The following CSMD1 variants were observed in gnomAD, a reference collection of about 807,000 sequenced individuals.
CSMD1 encodes CUB and sushi domain-containing protein 1.
Under a neutral mutation model 417.5 loss-of-function variants are expected in CSMD1, and 213 were observed. The observed-to-expected ratio is 0.51, with a 90% CI of 0.46 to 0.57. The LOEUF (loss-of-function observed/expected upper bound fraction) is 0.57, where lower values mean the gene tolerates loss of function less well. CSMD1 is among the 20% of genes least tolerant of loss of function. CSMD1 has a pLI of 0.00. For synonymous variants in CSMD1, 2,862 were observed against 1,736.8 expected (o/e 1.65, Z -16.11); for missense variants, 6,923 against 4,529.7 (o/e 1.53, Z -15.17).
At chr8:3,824,291 G>A (rs1801920055) in intron 5 of CSMD1, among the ~76,000 whole-genome samples, 1 of 151,894 alleles carries the variant, frequency 6.6e-6, no homozygotes, top group Non-Finnish European at 1.5e-5. Context: ...TTAATTCGAT[G>A]TTAACAAACG....
chr8:3,722,384 T>A (rs1170969424), intron 6 of CSMD1, among the ~76,000 whole-genome samples: 2 of 152,190 alleles, frequency 1.3e-5, no homozygotes, highest in Admixed American at 6.5e-5. Context: ...CTTTAGGAAT[T>A]TGAAAGCACA....
chr8:3,955,678 G>C (rs1284330058), intron 5 of CSMD1, among the ~76,000 whole-genome samples: 2 of 152,114 alleles, frequency 1.3e-5, no homozygotes, highest in African/African-American at 4.8e-5. Context: ...GTGTCTCAGA[G>C]GATGAGGAAA....
Position 4,832,644 on chromosome 8 carries a change from T to C in CSMD1, c.85+161688A>G, listed in dbSNP as rs574631109. 3.3e-5 allele frequency among the ~76,000 whole-genome samples: 5 copies of C among 152,336 alleles called. No homozygotes were observed. In the South Asian group the frequency reaches 1.0e-3, roughly 32 times the overall value. ...GTAAGTGTCAAATCTATCTGCTAAA[T>C]GCTTTAAATATATATTCTCATATTT... is the stretch of plus-strand genomic sequence containing the variant. On this transcript the variant is annotated intron_variant, in intron 1 of 69. Coordinates refer to ENST00000635120, the MANE Select transcript of CSMD1 (RefSeq NM_033225.6).
chr8:4,222,387 ATT>A (rs1176787212), intron 3 of CSMD1, among the ~76,000 whole-genome samples: 3 of 149,502 alleles, frequency 2.0e-5, no homozygotes, highest in Non-Finnish European at 3.0e-5. Context: ...CTTCCATCTT[ATT>A]CTGTAAACAG....
Position 3,492,937 on chromosome 8 carries a change from T to C in CSMD1, c.1448+686A>G, listed in dbSNP as rs144973848. Among the ~76,000 whole-genome samples the C allele has an allele frequency of 3.1e-3, 469 of 152,110 alleles. 1 individual carries two copies. The highest frequency in any genetic ancestry group is 0.011 in the African/African-American group (451 of 41,476). ...CCTGTATTTCCCAGACTAGAAAGCA[T>C]CTGTACCTCTTTAAAAACCCTGATA... On this transcript the variant is annotated intron_variant, in intron 11 of 69. Coordinates refer to ENST00000635120, the MANE Select transcript of CSMD1 (RefSeq NM_033225.6).
At chr8:3,558,130 T>C (rs1238719329) in intron 10 of CSMD1, among the ~76,000 whole-genome samples, 5 of 150,582 alleles carry the variant, frequency 3.3e-5, no homozygotes, top group African/African-American at 7.4e-5. Flanking sequence ...TGGTACCCCG[T>C]GTCCACTCCT....
rs547059194 is a variant in CSMD1, at chr8:3,626,128, AC to A, written c.1010-9332del. Among the ~76,000 whole-genome samples the A allele has an allele frequency of 1.1e-3, 167 of 152,256 alleles. 1 individual carries two copies. Among genetic ancestry groups the A allele is most frequent in the Middle Eastern group, 6.8e-3 (2 of 294 alleles). ...TTCCACATGGTGCTCTGAGATGTTC[AC>A]CGGAATGTATATTGGCAGCACCAAA... is the stretch of plus-strand genomic sequence containing the variant. On this transcript the variant is annotated intron_variant, in intron 7 of 69. Coordinates refer to ENST00000635120, the MANE Select transcript of CSMD1 (RefSeq NM_033225.6).
intron 12 of CSMD1, among the ~76,000 whole-genome samples, chr8:3,410,976 C>A (rs1312929946): frequency 6.6e-6 from 1 of 152,130 alleles, no homozygotes; most frequent in Non-Finnish European, 1.5e-5. Flanking sequence ...TGGCAATCAG[C>A]CCTTCGAAAA....
At chr8:3,997,473 TAC>T (rs1815306491) in intron 5 of CSMD1, among the ~76,000 whole-genome samples, 1 of 152,152 alleles carries the variant, frequency 6.6e-6, no homozygotes, top group Non-Finnish European at 1.5e-5. Flanking sequence ...CAGAATGTGG[TAC>T]ACAGTCTTCA....
chr8:3,433,052 T>G (rs1266733979), intron 12 of CSMD1, among the ~76,000 whole-genome samples: 2 of 152,204 alleles, frequency 1.3e-5, no homozygotes, highest in Non-Finnish European at 2.9e-5. Context: ...ACTTGAAAAC[T>G]GTGTCATAGC....
At chr8:4,429,126 T>C (rs944796003) in intron 2 of CSMD1, among the ~76,000 whole-genome samples, 2 of 151,598 alleles carry the variant, frequency 1.3e-5, no homozygotes, top group Admixed American at 6.6e-5. Context: ...AGTTTTTTTC[T>C]ATGAAAACTG....
intron 5 of CSMD1, among the ~76,000 whole-genome samples, chr8:3,778,713 C>T (rs1799022336): frequency 6.6e-6 from 1 of 152,198 alleles, no homozygotes; most frequent in Non-Finnish European, 1.5e-5. Context: ...CTTCCGAGCA[C>T]CGCTTCCTTT....
chr8:4,754,921 A>T (rs1811574059), intron 1 of CSMD1, among the ~76,000 whole-genome samples: 1 of 151,956 alleles, frequency 6.6e-6, no homozygotes, highest in Admixed American at 6.6e-5. Flanking sequence ...GGTGGATCAC[A>T]AGGTCGGGAG....
chr8:4,415,012 C>G (rs1184585512), intron 3 of CSMD1, among the ~76,000 whole-genome samples: 1 of 152,152 alleles, frequency 6.6e-6, no homozygotes, highest in Admixed American at 6.5e-5. Context: ...CACATAGAAG[C>G]ATAGGCAAGC....
rs558558706 is a variant in CSMD1, at chr8:4,179,785, C to T, written c.416-147686G>A. ...TGGTGAACAATATGAACAGACACTT[C>T]TCAAAAGAAGACATTTATGCAGCCA... On this transcript the variant is annotated intron_variant, in intron 3 of 69. Coordinates refer to ENST00000635120, the MANE Select transcript of CSMD1 (RefSeq NM_033225.6). 2.3e-3 allele frequency among the ~76,000 whole-genome samples: 344 copies of T among 152,206 alleles called. 1 individual carries two copies. Among genetic ancestry groups the T allele is most frequent in the African/African-American group, 7.9e-3 (330 of 41,530 alleles).
intron 20 of CSMD1, among the ~76,000 whole-genome samples, chr8:3,365,131 A>G (rs1809468717): frequency 6.7e-6 from 1 of 149,932 alleles, no homozygotes; most frequent in Non-Finnish European, 1.5e-5. Context: ...GGGAGAATGC[A>G]GAGAGAGAGG....
chr8:4,938,820 G>T (rs148258631), intron 1 of CSMD1, among the ~76,000 whole-genome samples: 53 of 152,298 alleles, frequency 3.5e-4, no homozygotes, highest in African/African-American at 1.2e-3. Context: ...TTGGCAAAAG[G>T]TGCCAAACAT....
Position 3,931,898 on chromosome 8 carries a change from G to C in CSMD1, c.818+66005C>G, listed in dbSNP as rs113022210. Among the ~76,000 whole-genome samples the C allele has an allele frequency of 4.8e-3, 632 of 132,408 alleles. 42 individuals carry two copies. Among genetic ancestry groups the C allele is most frequent in the African/African-American group, 0.016 (570 of 35,008 alleles). 86.9% of individuals were successfully genotyped at this position (132,408 alleles called of 152,430 possible). Reference sequence around the variant, plus strand: ...TTGGTTGTCAGACATTGTAGGAAAAGAAACAGAAAAAAAAAAAAGATCACA... The same window carrying C: ...TTGGTTGTCAGACATTGTAGGAAAACAAACAGAAAAAAAAAAAAGATCACA... On this transcript the variant is annotated intron_variant, in intron 5 of 69. Coordinates refer to ENST00000635120, the MANE Select transcript of CSMD1 (RefSeq NM_033225.6).
intron 7 of CSMD1, among the ~76,000 whole-genome samples, chr8:3,673,062 T>C (rs373120958): frequency 1.8e-4 from 27 of 152,330 alleles, no homozygotes; most frequent in East Asian, 1.5e-3. Flanking sequence ...AGCGGTATGA[T>C]TGATATACTG....
Sources: allele counts gnomAD v4.1 joint callset (sites outside exome capture counted in the v4.1 genomes callset), GRCh38; gene constraint gnomAD v4.1.1; transcripts MANE v1.5; gene names NCBI Gene and HGNC (gene_info 2026-07-23, HGNC 2026-07-21).